BTBD16: variants seen among roughly 807,000 people sequenced by gnomAD.
BTBD16 encodes the protein BTB/POZ domain-containing protein 16.
Under a neutral mutation model 67.4 loss-of-function variants are expected in BTBD16, and 66 were observed. That is an observed-to-expected ratio of 0.98 (90% CI 0.80 to 1.20). The LOEUF (loss-of-function observed/expected upper bound fraction) is 1.20. BTBD16 is among the 50% of genes most tolerant of loss of function. The probability of loss-of-function intolerance (pLI) is 0.00; values close to 1 mark genes in which losing one functional copy is unlikely to be tolerated. For missense variants in BTBD16, 634 were observed against 616.0 expected (o/e 1.03, Z -0.31); for synonymous variants, 242 against 236.4 (o/e 1.02, Z -0.22).
In BTBD16 at chr10:122,332,739, C is replaced by T. The variant is rs559442924; in HGVS notation, c.1164+226C>T. The T allele has an allele frequency of 1.9e-5, 16 of 848,304 alleles. No homozygotes were observed. In the South Asian group the frequency reaches 4.9e-4, roughly 26 times the overall value. The allele number at this position is 848,304 out of a possible 1,614,324, so 52.5% of individuals were successfully genotyped here. ...TTTAATAATTTCCCCACTAAGAGGA[C>T]CAGCAGTCCTGGTGGTACTGGAATG... On this transcript the variant is annotated intron_variant, in intron 13 of 15. Coordinates refer to ENST00000260723, the MANE Select transcript of BTBD16 (RefSeq NM_144587.5).
rs1449586897 is a variant in BTBD16, at chr10:122,335,045, T to C, written c.1263+66T>C. ...CTTTTAGAGTTAGAGTCAATTCATG[T>C]TGAATTAATAATAATTGATTCATCA... On this transcript the variant is annotated intron_variant, in intron 14 of 15. Coordinates refer to ENST00000260723, the MANE Select transcript of BTBD16 (RefSeq NM_144587.5). 1.7e-5 allele frequency: 13 copies of C among 769,954 alleles called. 1 individual carries two copies. Among genetic ancestry groups the C allele is most frequent in the Non-Finnish European group, 2.6e-5 (12 of 470,450 alleles). 47.7% of individuals were successfully genotyped at this position (769,954 alleles called of 1,614,324 possible).
intron 10 of BTBD16, among the ~76,000 whole-genome samples, chr10:122,311,024 C>T (rs1001037825): frequency 6.6e-6 from 1 of 151,264 alleles, no homozygotes; most frequent in Admixed American, 6.6e-5. Context: ...TAGGAGGGAA[C>T]GTAGTTGAAT....
intron 11 of BTBD16, among the ~76,000 whole-genome samples, chr10:122,330,109 TATA>T (rs2096452785): frequency 6.6e-6 from 1 of 152,122 alleles, no homozygotes; most frequent in Non-Finnish European, 1.5e-5. Context: ...GCTATCCAGA[TATA>T]ATAAGTAGCT....
chr10:122,336,361 G>A, intron 14 of BTBD16, 133 bp from the exon 15 acceptor site: 1 of 720,730 alleles, frequency 1.4e-6, no homozygotes. Flanking sequence ...TTAGGAGATG[G>A]TGCCAATTGG....
chr10:122,273,027 T>TATA (rs143543880), intron 1 of BTBD16, among the ~76,000 whole-genome samples: 64,145 of 151,406 alleles, frequency 0.42, 14,192 homozygotes, highest in East Asian at 0.62. Context: ...CAAAAATAAA[T>TATA]ACGATGATAC....
At chr10:122,299,158 G>C in intron 9 of BTBD16, 24 bp downstream of exon 9, 1 of 1,611,144 alleles carries the variant, frequency 6.2e-7, no homozygotes, top group Non-Finnish European at 8.5e-7. Flanking sequence ...CCCAGGGTGC[G>C]GCCCCTGAGA....
intron 3 of BTBD16, among the ~76,000 whole-genome samples, chr10:122,283,529 C>CTGAGT (rs1192722284): frequency 1.3e-5 from 2 of 152,302 alleles, no homozygotes; most frequent in Admixed American, 6.5e-5. Context: ...CAGATATTTA[C>CTGAGT]TGAGTGTCTA....
intron 10 of BTBD16, among the ~76,000 whole-genome samples, chr10:122,325,448 C>G (rs1234047353): frequency 2.0e-5 from 3 of 152,124 alleles, no homozygotes; most frequent in Non-Finnish European, 4.4e-5. Context: ...TGGGCAAGCA[C>G]CCTAAGCACC....
At chr10:122,277,011 G>A in intron 3 of BTBD16, 72 bp downstream of exon 3, 1 of 1,542,818 alleles carries the variant, frequency 6.5e-7, no homozygotes, top group Non-Finnish European at 8.8e-7. Context: ...TGATGACCGG[G>A]CCACTCTGAT....
intron 2 of BTBD16, 128 bp downstream of exon 2, chr10:122,275,227 G>A (rs1466467175): frequency 2.1e-5 from 20 of 931,320 alleles, no homozygotes; most frequent in Non-Finnish European, 3.1e-5. Context: ...TGGCTGACTC[G>A]GCTGGAAAGA....
At chr10:122,329,296 T>C (rs1247571823) in intron 10 of BTBD16, among the ~76,000 whole-genome samples, 184 bp from the exon 11 acceptor site, 1 of 152,158 alleles carries the variant, frequency 6.6e-6, no homozygotes, top group Non-Finnish European at 1.5e-5. Flanking sequence ...GGGCTGGACT[T>C]TATAAAATGT....
At chr10:122,298,526 G>T (rs558286146) in intron 8 of BTBD16, among the ~76,000 whole-genome samples, 12 of 152,294 alleles carry the variant, frequency 7.9e-5, no homozygotes, top group Non-Finnish European at 1.3e-4. Context: ...GCTCTAAGAC[G>T]CCTTTTCCAC....
chr10:122,320,495 T>C (rs76573032), intron 10 of BTBD16, among the ~76,000 whole-genome samples: 2,813 of 152,258 alleles, frequency 0.018, 52 homozygotes, highest in African/African-American at 0.056. Flanking sequence ...GACTTTTTTT[T>C]CTAAGTGTTT....
chr10:122,295,523 T>A, intron 7 of BTBD16: 3 of 985,286 alleles, frequency 3.0e-6, no homozygotes, highest in Non-Finnish European at 3.6e-6. Context: ...GAGCCCCTCC[T>A]GTGTGAAGGA....
chr10:122,275,487 C>T (rs1231597678), intron 2 of BTBD16, among the ~76,000 whole-genome samples: 2 of 152,180 alleles, frequency 1.3e-5, no homozygotes, highest in East Asian at 1.9e-4. Context: ...TCCTCACTGT[C>T]GTTGTCACGA....
intron 4 of BTBD16, among the ~76,000 whole-genome samples, chr10:122,284,561 G>A (rs2096359663): frequency 6.6e-6 from 1 of 152,140 alleles, no homozygotes; most frequent in South Asian, 2.1e-4. Context: ...GACGTTCACA[G>A]CTGCACTTGT....
intron 10 of BTBD16, among the ~76,000 whole-genome samples, chr10:122,318,143 T>C (rs1208365552): frequency 6.6e-6 from 1 of 152,136 alleles, no homozygotes; most frequent in Admixed American, 6.5e-5. Flanking sequence ...TTATAATCCT[T>C]TGGGACCACT....
intron 3 of BTBD16, among the ~76,000 whole-genome samples, chr10:122,280,552 T>C (rs1334880334): frequency 7.0e-6 from 1 of 143,700 alleles, no homozygotes; most frequent in African/African-American, 2.6e-5. Context: ...AAGGGACCCC[T>C]ATATTTTTAT....
chr10:122,329,399 A>G, intron 10 of BTBD16, 81 bp from the exon 11 acceptor site: 3 of 1,401,648 alleles, frequency 2.1e-6, no homozygotes, highest in Non-Finnish European at 3.0e-6. Context: ...TAGTCTCTAC[A>G]ACATGGCTTT....
Sources: allele counts gnomAD v4.1 joint callset (sites outside exome capture counted in the v4.1 genomes callset), GRCh38; gene constraint gnomAD v4.1.1; transcripts MANE v1.5; gene names NCBI Gene and HGNC (gene_info 2026-07-23, HGNC 2026-07-21).